The following CACNA2D3 variants were observed in gnomAD, a reference collection of about 807,000 sequenced individuals.
CACNA2D3 encodes calcium voltage-gated channel auxiliary subunit alpha2delta 3, also known as voltage-dependent calcium channel subunit alpha-2/delta-3.
In CACNA2D3, 60 loss-of-function variants were observed where a neutral mutation model predicts 160.6. The observed-to-expected ratio is 0.37, with a 90% CI of 0.30 to 0.46. The LOEUF (loss-of-function observed/expected upper bound fraction) is 0.46, where lower values mean the gene tolerates loss of function less well. Among genes scored for constraint, CACNA2D3 ranks in the 20% least tolerant of loss-of-function variants. The probability of loss-of-function intolerance (pLI) is 1.00; values close to 1 mark genes in which losing one functional copy is unlikely to be tolerated. For missense variants in CACNA2D3, 1,205 were observed against 1,365.0 expected, an observed-to-expected ratio of 0.88 and a Z score of 1.85; for synonymous variants, 558 against 492.9, an observed-to-expected ratio of 1.13 and a Z score of -1.75.
intron 29 of CACNA2D3, among the ~76,000 whole-genome samples, chr3:54,979,577 A>C (rs1421414098): frequency 6.6e-6 from 1 of 152,204 alleles, no homozygotes; most frequent in Non-Finnish European, 1.5e-5. Context: ...GCCCTGGAAA[A>C]CAAAAAGGAT....
intron 3 of CACNA2D3, 23 bp from the exon 4 acceptor site, chr3:54,386,692 C>CTTTTTTT: frequency 9.4e-7 from 1 of 1,060,414 alleles, no homozygotes; most frequent in Non-Finnish European, 1.3e-6. Flanking sequence ...ATGCTGTCTT[C>CTTTTTTT]TGTTTTTTTT....
chr3:54,581,955 G>T, intron 9 of CACNA2D3, 78 bp downstream of exon 9: 1 of 1,244,382 alleles, frequency 8.0e-7, no homozygotes, highest in Non-Finnish European at 1.1e-6. Context: ...CAATAAATCT[G>T]TCTTATCAAA....
At chr3:54,321,696 C>T (rs1704000104) in intron 3 of CACNA2D3, among the ~76,000 whole-genome samples, 1 of 152,144 alleles carries the variant, frequency 6.6e-6, no homozygotes, top group Non-Finnish European at 1.5e-5. Context: ...GAGCCCCAGT[C>T]ATAATGACCC....
rs571735255 is a variant in CACNA2D3, at chr3:54,301,373, C to T, written c.205-19069C>T. ...CAGCACTTTGGGAGGCCAAGGCAGG[C>T]GGATCACTTGAGCTGAGGAGTTTGA... On this transcript the variant is annotated intron_variant, in intron 2 of 37. Transcript: ENST00000474759. 4.6e-4 allele frequency among the ~76,000 whole-genome samples: 70 copies of T among 151,576 alleles called. 1 individual carries two copies. The highest frequency in any genetic ancestry group is 1.6e-3 in the African/African-American group (66 of 41,332).
intron 13 of CACNA2D3, among the ~76,000 whole-genome samples, chr3:54,811,847 T>G (rs1417400707): frequency 2.6e-5 from 4 of 152,224 alleles, no homozygotes; most frequent in Admixed American, 6.5e-5. Context: ...TCACCGGCCT[T>G]CCTTCTCAAA....
At chr3:54,614,883 A>G (rs938832774) in intron 9 of CACNA2D3, among the ~76,000 whole-genome samples, 3 of 152,190 alleles carry the variant, frequency 2.0e-5, no homozygotes, top group African/African-American at 7.2e-5. Context: ...AAAATCATCA[A>G]CATTTGGAAA....
intron 2 of CACNA2D3, among the ~76,000 whole-genome samples, chr3:54,259,625 T>C (rs1357581808): frequency 6.6e-6 from 1 of 152,198 alleles, no homozygotes; most frequent in Non-Finnish European, 1.5e-5. Context: ...CTAGGACTCA[T>C]GAGGCTCATA....
intron 5 of CACNA2D3, among the ~76,000 whole-genome samples, chr3:54,553,700 A>G (rs979734624): frequency 2.0e-5 from 3 of 152,156 alleles, no homozygotes; most frequent in Admixed American, 6.5e-5. Flanking sequence ...GGCAAGTTTA[A>G]ATTAATACAG....
At chr3:54,556,953 G>T (rs527459235) in intron 5 of CACNA2D3, among the ~76,000 whole-genome samples, 1 of 152,102 alleles carries the variant, frequency 6.6e-6, no homozygotes, top group East Asian at 1.9e-4. Context: ...CTTTCTGTCA[G>T]TGATGTTGGG....
chr3:54,809,360 G>C (rs1462559411), intron 13 of CACNA2D3, among the ~76,000 whole-genome samples: 1 of 102,130 alleles, frequency 9.8e-6, no homozygotes, highest in East Asian at 3.3e-4. Flanking sequence ...CGCCCAGGTC[G>C]GACTGCGGAC....
At chr3:54,276,928 A>G (rs1244391148) in intron 2 of CACNA2D3, among the ~76,000 whole-genome samples, 1 of 152,212 alleles carries the variant, frequency 6.6e-6, no homozygotes, top group African/African-American at 2.4e-5. Context: ...GTGGTTGTTT[A>G]TGTAGATGAG....
At chr3:54,256,595 A>G (rs1249326225) in intron 2 of CACNA2D3, among the ~76,000 whole-genome samples, 2 of 152,172 alleles carry the variant, frequency 1.3e-5, no homozygotes, top group African/African-American at 4.8e-5. Flanking sequence ...GCTGCTTCCC[A>G]GAGGGTCCAC....
chr3:54,141,094 C>CGTGCGCGCGCGCACGT (rs1553731352), intron 2 of CACNA2D3, among the ~76,000 whole-genome samples: 8 of 81,976 alleles, frequency 9.8e-5, no homozygotes, highest in African/African-American at 3.0e-4. Context: ...TGTGCGCGCG[C>CGTGCGCGCGCGCACGT]GCGCGTGTGT....
At chr3:54,340,660 G>A (rs1704498079) in intron 3 of CACNA2D3, among the ~76,000 whole-genome samples, 1 of 152,180 alleles carries the variant, frequency 6.6e-6, no homozygotes, top group South Asian at 2.1e-4. Flanking sequence ...TAATGTGACT[G>A]GTGAAGTGGA....
intron 2 of CACNA2D3, among the ~76,000 whole-genome samples, chr3:54,192,507 G>A (rs1325807836): frequency 6.6e-6 from 1 of 152,200 alleles, no homozygotes; most frequent in Non-Finnish European, 1.5e-5. Context: ...CACCTAAGGG[G>A]GAAGATAGTT....
chr3:54,903,710 C>G (rs1268569359), intron 27 of CACNA2D3, among the ~76,000 whole-genome samples: 1 of 152,214 alleles, frequency 6.6e-6, no homozygotes, highest in Non-Finnish European at 1.5e-5. Flanking sequence ...TCCAACTTCA[C>G]CAGCATCTGT....
intron 11 of CACNA2D3, among the ~76,000 whole-genome samples, chr3:54,664,738 A>G (rs554469594): frequency 6.6e-6 from 1 of 152,190 alleles, no homozygotes; most frequent in Non-Finnish European, 1.5e-5. Context: ...GTAGATGGGA[A>G]AGGGCTGAGC....
chr3:54,284,173 C>G (rs886887620), intron 2 of CACNA2D3, among the ~76,000 whole-genome samples: 5 of 151,896 alleles, frequency 3.3e-5, no homozygotes, highest in African/African-American at 1.2e-4. Flanking sequence ...TGCTAAATGA[C>G]GAGTTAATGG....
intron 2 of CACNA2D3, among the ~76,000 whole-genome samples, chr3:54,240,941 A>G (rs1014288575): frequency 1.3e-5 from 2 of 152,084 alleles, no homozygotes; most frequent in African/African-American, 4.8e-5. Context: ...GGGTTTCACC[A>G]TGTTGGCCAG....
Sources: gnomAD v4.1 joint callset for allele counts (sites outside exome capture counted in the v4.1 genomes callset) on GRCh38, gnomAD v4.1.1 for gene constraint, MANE v1.5 for transcripts, NCBI Gene and HGNC (gene_info 2026-07-23, HGNC 2026-07-21) for gene names.